Variants in PCDHGB5 observed in about 807,000 individuals in gnomAD.
The protein encoded by PCDHGB5 is protocadherin gamma subfamily B, 5, also known as protocadherin gamma-B5.
PCDHGB5 carries 48 observed loss-of-function variants against 62.9 expected under a neutral mutation model. The ratio of observed to expected loss-of-function variants is 0.76; its 90% CI spans 0.61 to 0.97. The LOEUF (loss-of-function observed/expected upper bound fraction) is 0.97. PCDHGB5 is among the 50% of genes least tolerant of loss of function. The pLI is 0.00. For missense variants in PCDHGB5, 1,118 were observed against 1,198.6 expected, an observed-to-expected ratio of 0.93 and a Z score of 0.99; for synonymous variants, 474 against 511.2, an observed-to-expected ratio of 0.93 and a Z score of 0.98.
chr5:141,417,771 C>G, intron 1 of PCDHGB5: 1 of 1,456,488 alleles, frequency 6.9e-7, no homozygotes, highest in Non-Finnish European at 9.1e-7. Flanking sequence ...CGGGACTCCT[C>G]CTGTCCTGGG....
chr5:141,437,156 G>T (rs2097864365), intron 1 of PCDHGB5, among the ~76,000 whole-genome samples: 1 of 152,172 alleles, frequency 6.6e-6, no homozygotes, highest in African/African-American at 2.4e-5. Context: ...TAACATATGT[G>T]TTGATTGTTT....
Position 141,477,934 on chromosome 5 carries a change from C to T in PCDHGB5, c.2398-16873C>T. Reference sequence around the variant, plus strand: ...CGGATGCAGGGCACAATGCCTGGCTCTCCTACAGTCTCTTGGGATCCCCTA... The same window carrying T: ...CGGATGCAGGGCACAATGCCTGGCTTTCCTACAGTCTCTTGGGATCCCCTA... On this transcript the variant is annotated intron_variant, in intron 1 of 3. Coordinates refer to ENST00000617380, the MANE Select transcript of PCDHGB5 (RefSeq NM_018925.3). This position sits in a 1 kb window ranked among gnomAD's most constrained non-coding sequence, Gnocchi z 4.9. 3.1e-6 allele frequency: 5 copies of T among 1,614,204 alleles called. No individual in the cohort carries two copies. The highest frequency in any genetic ancestry group is 4.2e-6 in the Non-Finnish European group (5 of 1,180,036).
At chr5:141,470,236 T>C (rs1232874196) in intron 1 of PCDHGB5, among the ~76,000 whole-genome samples, 1 of 152,210 alleles carries the variant, frequency 6.6e-6, no homozygotes, top group African/African-American at 2.4e-5. Context: ...ACCAAACCCT[T>C]GAATGTCCCA....
intron 3 of PCDHGB5, among the ~76,000 whole-genome samples, chr5:141,509,636 C>T (rs1199892148): frequency 6.6e-6 from 1 of 152,164 alleles, no homozygotes; most frequent in Non-Finnish European, 1.5e-5. Context: ...TGATGCTGAG[C>T]CAGGGCCAGA....
intron 1 of PCDHGB5, chr5:141,478,227 G>A: frequency 6.2e-7 from 1 of 1,614,104 alleles, no homozygotes; most frequent in Non-Finnish European, 8.5e-7. Context: ...GTTTCTGTGG[G>A]GTTTGTGGTC....
chr5:141,469,049 G>A (rs916327969), intron 1 of PCDHGB5, among the ~76,000 whole-genome samples: 3 of 152,054 alleles, frequency 2.0e-5, no homozygotes, highest in African/African-American at 2.4e-5. Context: ...GGCCAAGGTG[G>A]GAGGATTGCT....
rs760572189 is a variant in PCDHGB5 at position 141,477,159 on chromosome 5, A to G, written c.2398-17648A>G. ...GTGGAGGTTGTGGATGTGAATGACA[A>G]CGCCCCGGAGATCACAGTCACCTCC... is the stretch of plus-strand genomic sequence containing the variant. On this transcript the variant is annotated intron_variant, in intron 1 of 3. Transcript: ENST00000617380. The surrounding 1 kb of genome is among the most constrained non-coding windows in gnomAD (Gnocchi z 4.9). The G allele has an allele frequency of 1.7e-5, 28 of 1,613,854 alleles. No individual in the cohort carries two copies. In the South Asian group the frequency reaches 3.1e-4, roughly 18 times the overall value.
At chr5:141,415,081 C>T in intron 1 of PCDHGB5, 1 of 1,613,522 alleles carries the variant, frequency 6.2e-7, no homozygotes, top group Non-Finnish European at 8.5e-7. Context: ...GGCGCGAGCC[C>T]TGCTGGACAG....
chr5:141,468,093 G>C (rs1319825848), intron 1 of PCDHGB5, among the ~76,000 whole-genome samples: 2 of 152,112 alleles, frequency 1.3e-5, no homozygotes, highest in Non-Finnish European at 2.9e-5. Flanking sequence ...GGGAGGTTGA[G>C]GCAGGCAGAT....
intron 1 of PCDHGB5, chr5:141,426,408 G>A (rs2096933631): frequency 1.2e-5 from 3 of 258,388 alleles, no homozygotes; most frequent in South Asian, 4.8e-5. Flanking sequence ...CAGAAGAAAC[G>A]GTCCAGGGCT....
intron 1 of PCDHGB5, among the ~76,000 whole-genome samples, chr5:141,456,790 C>T (rs1364747385): frequency 6.6e-6 from 1 of 151,976 alleles, no homozygotes; most frequent in Admixed American, 6.6e-5. Flanking sequence ...TGGCAAAACC[C>T]CATCTCTACT....
At chr5:141,416,870 A>G (rs1315073474) in intron 1 of PCDHGB5, 4 of 152,154 alleles carry the variant, frequency 2.6e-5, no homozygotes, top group Non-Finnish European at 5.9e-5. Flanking sequence ...GTCAGTCAAC[A>G]TTTGTTGAAT....
At chr5:141,440,150 A>G (rs770863453) in intron 1 of PCDHGB5, 1 of 152,244 alleles carries the variant, frequency 6.6e-6, no homozygotes, top group African/African-American at 2.4e-5. Context: ...ACGCCCCCCA[A>G]TTATAGCTTG....
At position 141,486,367 on chromosome 5, in the gene PCDHGB5, G is replaced by A; in HGVS notation, c.2398-8440G>A. On this transcript the variant is annotated intron_variant, in intron 1 of 3. Coordinates refer to ENST00000617380, the MANE Select transcript of PCDHGB5 (RefSeq NM_018925.3). This position sits in a 1 kb window ranked among gnomAD's most constrained non-coding sequence, Gnocchi z 5.0. Reference sequence around the variant, plus strand: ...CTGACCACTTGCCATTTGCCCTCAAGTCTGCCTTCAGGAACCAGTTCTCCC... The same window carrying A: ...CTGACCACTTGCCATTTGCCCTCAAATCTGCCTTCAGGAACCAGTTCTCCC... 1 of 1,614,148 alleles carries A rather than the reference G, an allele frequency of 6.2e-7. No individual in the cohort carries two copies. Among genetic ancestry groups the A allele is most frequent in the Non-Finnish European group, 8.5e-7 (1 of 1,180,022 alleles).
Position 141,501,335 on chromosome 5 carries a change from C to A in PCDHGB5, c.2457-4058C>A, listed in dbSNP as rs977626682. 1.5e-4 allele frequency among the ~76,000 whole-genome samples: 20 copies of A among 135,718 alleles called. No individual in the cohort carries two copies. In the East Asian group the frequency reaches 2.2e-3, roughly 15 times the overall value. The allele number at this position is 135,718 out of a possible 152,430, so 89.0% of individuals were successfully genotyped here. The stretch of plus-strand genomic sequence containing the variant: ...CACACACACACACACACACACACAC[C>A]CCAAACTCAATAGGGCAAGAACCAT... On this transcript the variant is annotated intron_variant, in intron 2 of 3. Transcript: ENST00000617380.
At chr5:141,478,442 C>T in intron 1 of PCDHGB5, 1 of 1,613,608 alleles carries the variant, frequency 6.2e-7, no homozygotes, top group Non-Finnish European at 8.5e-7. Flanking sequence ...GCTGAAGAAA[C>T]CTGGTGCAGC....
In PCDHGB5 at chr5:141,476,477, G is replaced by T. The variant is rs768824553; in HGVS notation, c.2398-18330G>T. The T allele has an allele frequency of 1.9e-6, 3 of 1,614,078 alleles. No homozygotes were observed. The highest frequency in any genetic ancestry group is 1.7e-5 in the Admixed American group (1 of 60,016). Reference sequence around the variant, plus strand: ...GGAGAACCCGCTGGAGCTGTTCAGCGTGGAAGTGGTGATCCAGGACATCAA... The same window carrying T: ...GGAGAACCCGCTGGAGCTGTTCAGCTTGGAAGTGGTGATCCAGGACATCAA... On this transcript the variant is annotated intron_variant, in intron 1 of 3. Coordinates refer to ENST00000617380, the MANE Select transcript of PCDHGB5 (RefSeq NM_018925.3). This position sits in a 1 kb window ranked among gnomAD's most constrained non-coding sequence, Gnocchi z 7.6.
intron 1 of PCDHGB5, chr5:141,418,388 T>C: frequency 6.2e-7 from 1 of 1,613,942 alleles, no homozygotes; most frequent in Non-Finnish European, 8.5e-7. Flanking sequence ...TCCTAACGAG[T>C]ATTTCTCATT....
At chr5:141,415,132 C>T (rs752622569) in intron 1 of PCDHGB5, 4 of 1,613,696 alleles carry the variant, frequency 2.5e-6, no homozygotes, top group Non-Finnish European at 3.4e-6. Flanking sequence ...CGTCCAGGAC[C>T]ACGGCCAGCC....
Sources: gnomAD v4.1 joint callset for allele counts (sites outside exome capture counted in the v4.1 genomes callset) on GRCh38, gnomAD v4.1.1 for gene constraint, Gnocchi (gnomAD v3.1) non-coding constraint, MANE v1.5 for transcripts, NCBI Gene and HGNC (gene_info 2026-07-23, HGNC 2026-07-21) for gene names.